RNF20: variants seen among roughly 807,000 people sequenced by gnomAD.
RNF20 encodes E3 ubiquitin-protein ligase BRE1A.
RNF20 carries 84 observed loss-of-function variants against 126.2 expected under a neutral mutation model. The observed-to-expected ratio is 0.67, with a 90% CI of 0.56 to 0.80. The LOEUF (loss-of-function observed/expected upper bound fraction) is 0.80. RNF20 is among the 30% of genes least tolerant of loss of function. The pLI, the probability that RNF20 is intolerant of heterozygous loss-of-function variation, is 0.00. For synonymous variants in RNF20, 400 were observed against 414.3 expected (o/e 0.97, Z 0.42); for missense variants, 869 against 1,188.2 (o/e 0.73, Z 3.95).
intron 2 of RNF20, among the ~76,000 whole-genome samples, chr9:101,536,071 C>G (rs1827178439): frequency 6.6e-6 from 1 of 152,104 alleles, no homozygotes; most frequent in African/African-American, 2.4e-5. Flanking sequence ...AAATAAGAGT[C>G]CCTGTTAAGG....
chr9:101,540,723 A>G, intron 4 of RNF20, 70 bp from the exon 5 acceptor site: 1 of 1,589,382 alleles, frequency 6.3e-7, no homozygotes, highest in Middle Eastern at 2.1e-4. Context: ...ATTTGAGGGA[A>G]AAAAAATGGA....
At position 101,546,982 on chromosome 9, in the gene RNF20, T is replaced by A. The variant is rs1469898864; in HGVS notation, c.894+16T>A. 6.2e-7 allele frequency: 1 copy of A among 1,613,850 alleles called. No individual in the cohort carries two copies. The highest frequency in any genetic ancestry group is 1.3e-5 in the African/African-American group (1 of 75,042). ...CCTAGAACGGGTCAGTGCTGTTTTA[T>A]GGCTTGGAGACTAGAATCATTTTAA... On this transcript the variant is annotated intron_variant, in intron 7 of 19. Transcript: ENST00000389120.
intron 6 of RNF20, 86 bp downstream of exon 6, chr9:101,544,971 T>C: frequency 1.2e-6 from 1 of 848,490 alleles, no homozygotes; most frequent in Non-Finnish European, 2.0e-6. Flanking sequence ...AAAGATTACC[T>C]TACTCTAGAA....
intron 1 of RNF20, among the ~76,000 whole-genome samples, chr9:101,534,956 G>C (rs942918352): frequency 3.4e-5 from 5 of 149,094 alleles, no homozygotes; most frequent in African/African-American, 1.2e-4. Flanking sequence ...TGCCCAGGCT[G>C]GAGTGCTGTG....
chr9:101,547,447 A>C lies in RNF20; in HGVS notation c.1021A>C (p.Asn341His). The C allele has an allele frequency of 6.2e-7, 1 of 1,614,202 alleles. No individual in the cohort carries two copies. ...ELEENKELAQNRLCELEKLRQ... is the reference protein window; with the variant it reads ...ELEENKELAQHRLCELEKLRQ... Reference sequence around the variant, plus strand: ...TGAGGAGAACAAAGAGTTGGCTCAGAACCGTCTCTGTGAGCTGGAGAAACT... The same window carrying C: ...TGAGGAGAACAAAGAGTTGGCTCAGCACCGTCTCTGTGAGCTGGAGAAACT... Residue 341 changes from asparagine to histidine, a missense_variant, in exon 9 of 20, where the codon AAC becomes CAC. Asn to His is a moderately conservative substitution (Grantham distance 68). Coordinates refer to ENST00000389120, the MANE Select transcript of RNF20 (RefSeq NM_019592.7).
Position 101,550,589 on chromosome 9 carries a change from C to T in RNF20, c.1093-17C>T, listed in dbSNP as rs1400152088. The T allele has an allele frequency of 6.8e-6, 11 of 1,607,212 alleles. No individual in the cohort carries two copies. Among genetic ancestry groups the T allele is most frequent in the Non-Finnish European group, 9.4e-6 (11 of 1,175,710 alleles). On this transcript the variant is annotated splice_polypyrimidine_tract_variant and intron_variant, in intron 9 of 19. Transcript: ENST00000389120. Reference sequence around the variant, plus strand: ...ATGCTAGATTCTGCTTCTGACTTTGCTTTGGGCCCTCCTAAGGTGGAATTG... The same window carrying T: ...ATGCTAGATTCTGCTTCTGACTTTGTTTTGGGCCCTCCTAAGGTGGAATTG...
intron 9 of RNF20, 76 bp downstream of exon 9, chr9:101,547,594 C>T (rs1827373426): frequency 1.3e-6 from 2 of 1,529,574 alleles, no homozygotes; most frequent in Non-Finnish European, 1.8e-6. Context: ...AGTTGTGAAT[C>T]TGCGTATTCA....
At chr9:101,546,776 C>CT (rs752610950) in intron 6 of RNF20, 44 bp from the exon 7 acceptor site, 3 of 1,608,368 alleles carry the variant, frequency 1.9e-6, no homozygotes, top group Admixed American at 1.7e-5. Flanking sequence ...GGAATTTGGT[C>CT]TTTTTTTGCT....
At chr9:101,553,478 C>G (rs945891986) in intron 13 of RNF20, among the ~76,000 whole-genome samples, 3 of 152,114 alleles carry the variant, frequency 2.0e-5, no homozygotes, top group Non-Finnish European at 4.4e-5. Flanking sequence ...AAGTTTTAGT[C>G]TTTGGCTGAT....
intron 18 of RNF20, 158 bp downstream of exon 18, chr9:101,561,388 A>G (rs540357834): frequency 1.6e-5 from 11 of 704,108 alleles, no homozygotes; most frequent in African/African-American, 1.1e-4. Context: ...CTTCACTGCC[A>G]TATCCTCAGA....
rs773825238 is a variant in RNF20 at position 101,546,884 on chromosome 9, T to C, written c.812T>C (p.Ile271Thr). Residue 271 changes from isoleucine (I) to threonine (T), a missense_variant, in exon 7 of 20, where the codon ATT becomes ACT. Coordinates refer to ENST00000389120, the MANE Select transcript of RNF20 (RefSeq NM_019592.7). ...CGAGTGTCTGTCCTGGAGTCCATGA[T>C]TGATGACCTGCAGTGGGATATTGAC... Reference protein sequence around the residue: ...ESRVSVLESMIDDLQWDIDKI... With the variant: ...ESRVSVLESMTDDLQWDIDKI... 9.9e-6 allele frequency: 16 copies of C among 1,614,132 alleles called. No individual in the cohort carries two copies. Among genetic ancestry groups the C allele is most frequent in the Non-Finnish European group, 1.4e-5 (16 of 1,179,996 alleles).
chr9:101,547,239 T>C (rs1480843778), intron 8 of RNF20, 25 bp downstream of exon 8: 2 of 1,612,198 alleles, frequency 1.2e-6, no homozygotes, highest in Non-Finnish European at 1.7e-6. Context: ...TCAGGACATG[T>C]TTTGGACTGT....
In RNF20 at chr9:101,546,886, G is replaced by A; in HGVS notation, c.814G>A (p.Asp272Asn). 6.2e-7 allele frequency: 1 copy of A among 1,614,146 alleles called. No homozygotes were observed. Among genetic ancestry groups the A allele is most frequent in the Non-Finnish European group, 8.5e-7 (1 of 1,179,996 alleles). ...AGTGTCTGTCCTGGAGTCCATGATT[G>A]ATGACCTGCAGTGGGATATTGACAA... is the stretch of plus-strand genomic sequence containing the variant. ...SRVSVLESMI[D>N]DLQWDIDKIR... Residue 272 changes from aspartate to asparagine, a missense_variant, in exon 7 of 20, where the codon GAT (aspartate) becomes AAT (asparagine). Physicochemically the swap from Asp to Asn is conservative, Grantham distance 23. Coordinates refer to ENST00000389120, the MANE Select transcript of RNF20 (RefSeq NM_019592.7).
chr9:101,536,763 T>C (rs1827191313), intron 2 of RNF20, among the ~76,000 whole-genome samples: 1 of 152,132 alleles, frequency 6.6e-6, no homozygotes, highest in African/African-American at 2.4e-5. Flanking sequence ...GGGAAGCACA[T>C]AGCACACACC....
chr9:101,553,980 T>A lies in RNF20; in HGVS notation c.1902-8T>A. The A allele has an allele frequency of 6.4e-7, 1 of 1,553,874 alleles. No homozygotes were observed. Among genetic ancestry groups the A allele is most frequent in the Non-Finnish European group, 8.9e-7 (1 of 1,126,250 alleles). The stretch of plus-strand genomic sequence containing the variant: ...ATTGTTCCCCTCCCTCTACTACGCC[T>A]GTCATAGGAAGGCACAGGAGAGCCA... On this transcript the variant is annotated splice_region_variant and splice_polypyrimidine_tract_variant and intron_variant, in intron 13 of 19. Coordinates refer to ENST00000389120, the MANE Select transcript of RNF20 (RefSeq NM_019592.7).
At position 101,540,995 on chromosome 9, in the gene RNF20, G is replaced by T; in HGVS notation, c.628+20G>T. The T allele has an allele frequency of 6.2e-7, 1 of 1,601,544 alleles. No homozygotes were observed. The highest frequency in any genetic ancestry group is 8.5e-7 in the Non-Finnish European group (1 of 1,170,328). ...GTGGAGGTGAGGCAAGACCCTGGAG[G>T]CCGGGAGTAGTGGAGGAGGAATAAG... On this transcript the variant is annotated intron_variant, in intron 5 of 19. Transcript: ENST00000389120.
chr9:101,556,483 AAAT>A (rs1827532763), intron 15 of RNF20, among the ~76,000 whole-genome samples: 1 of 152,162 alleles, frequency 6.6e-6, no homozygotes, highest in Non-Finnish European at 1.5e-5. Flanking sequence ...AAATTAAAAA[AAAT>A]AATGTTAGAG....
chr9:101,547,550 C>T (rs1273122018), intron 9 of RNF20, 32 bp downstream of exon 9: 1 of 1,612,628 alleles, frequency 6.2e-7, no homozygotes. Context: ...GCAGTAAAAT[C>T]AGACGTTCTG....
At chr9:101,559,267 T>TA (rs1827588548) in intron 16 of RNF20, among the ~76,000 whole-genome samples, 1 of 152,198 alleles carries the variant, frequency 6.6e-6, no homozygotes, top group South Asian at 2.1e-4. Context: ...TGCCTATTTT[T>TA]ATACCAGTAC....
Sources: allele counts gnomAD v4.1 joint callset (sites outside exome capture counted in the v4.1 genomes callset), GRCh38; gene constraint gnomAD v4.1.1; transcripts MANE v1.5; gene names NCBI Gene and HGNC (gene_info 2026-07-23, HGNC 2026-07-21).